GANC: variants seen among roughly 807,000 people sequenced by gnomAD.
GANC encodes neutral alpha-glucosidase C.
Under a neutral mutation model 124.2 loss-of-function variants are expected in GANC, and 117 were observed. The ratio of observed to expected loss-of-function variants is 0.94; its 90% CI spans 0.81 to 1.10. The LOEUF is 1.10. Among genes scored for constraint, GANC ranks in the 50% least tolerant of loss-of-function variants. The pLI is 0.00. For missense variants in GANC, 1,140 were observed against 1,095.0 expected (o/e 1.04, Z -0.58); for synonymous variants, 377 against 376.8 (o/e 1.00, Z -0.01).
At chr15:42,295,209 C>G (rs1240947580) in intron 5 of GANC, among the ~76,000 whole-genome samples, 1 of 151,956 alleles carries the variant, frequency 6.6e-6, no homozygotes, top group African/African-American at 2.4e-5. Flanking sequence ...CTCCTGAACT[C>G]GTGATCCGCC....
chr15:42,277,430 T>A (rs887611351), intron 2 of GANC, among the ~76,000 whole-genome samples: 4 of 151,302 alleles, frequency 2.6e-5, no homozygotes, highest in African/African-American at 7.3e-5. Context: ...CTTGGGAGGC[T>A]GAGGCAGGAG....
rs144689773 is a variant in GANC at position 42,339,871 on chromosome 15, T to G, written c.2046T>G (p.Ser682=). 6.8e-6 allele frequency: 11 copies of G among 1,614,156 alleles called. No homozygotes were observed. In the African/African-American group the frequency reaches 1.3e-4, roughly 20 times the overall value. The change falls in exon 17 of 24, where the codon TCT becomes TCG. Residue 682 remains serine, a synonymous_variant. Coordinates refer to ENST00000318010, the MANE Select transcript of GANC (RefSeq NM_198141.3). ...ERYGLLPYWY[S]LFYHAHVASQ... is the part of the protein sequence containing the mutation. ...ATGGCCTCCTGCCATATTGGTATTC[T>G]CTGTTCTACCATGCACACGTGGCTT...
intron 6 of GANC, among the ~76,000 whole-genome samples, chr15:42,304,667 A>G (rs903795896): frequency 3.9e-5 from 6 of 152,222 alleles, no homozygotes; most frequent in Non-Finnish European, 8.8e-5. Context: ...GACAATCCTA[A>G]GCAGAAAGAA....
chr15:42,314,215 C>T lies in GANC; in HGVS notation c.1057+3369C>T, dbSNP rs191486838. 79 of 746,148 alleles carry T rather than the reference C, an allele frequency of 1.1e-4. No homozygotes were observed. In the East Asian group the frequency reaches 1.9e-3, roughly 18 times the overall value. 46.2% of individuals were successfully genotyped at this position (746,148 alleles called of 1,614,324 possible). On this transcript the variant is annotated intron_variant, in intron 10 of 23. Transcript: ENST00000318010. ...AGAAAATATTCCCCACAAGGAGTTC[C>T]TCTTTAAAGCACCTGAAGCACGTAG...
At chr15:42,283,394 T>C (rs2051753254) in intron 3 of GANC, among the ~76,000 whole-genome samples, 1 of 152,210 alleles carries the variant, frequency 6.6e-6, no homozygotes, top group Non-Finnish European at 1.5e-5. Flanking sequence ...TTCCTACTAC[T>C]ATCAGTTTTC....
Position 42,329,382 on chromosome 15 carries a change from A to G in GANC, c.1577A>G (p.Gln526Arg). 1 of 1,614,042 alleles carries G rather than the reference A, an allele frequency of 6.2e-7. No homozygotes were observed. Among genetic ancestry groups the G allele is most frequent in the East Asian group, 2.2e-5 (1 of 44,874 alleles). Reference protein sequence around the residue: ...SVFRGPEQTMQKNAIHHGNWE... With the variant: ...SVFRGPEQTMRKNAIHHGNWE... ...TTTAGAGGGCCAGAGCAAACCATGC[A>G]GAAGAATGCCATTCATCATGGCAAT... The change falls in exon 14 of 24, where the codon CAG (glutamine) becomes CGG (arginine). Residue 526 changes from glutamine (Q) to arginine (R), a missense_variant. Coordinates refer to ENST00000318010, the MANE Select transcript of GANC (RefSeq NM_198141.3).
intron 10 of GANC, among the ~76,000 whole-genome samples, chr15:42,319,480 G>A (rs2052138402): frequency 6.6e-6 from 1 of 151,726 alleles, no homozygotes; most frequent in Non-Finnish European, 1.5e-5. Context: ...GAGTAGCTGG[G>A]ACTGTGGGCA....
intron 5 of GANC, among the ~76,000 whole-genome samples, chr15:42,293,335 G>A (rs2051860639): frequency 6.6e-6 from 1 of 152,144 alleles, no homozygotes; most frequent in Non-Finnish European, 1.5e-5. Context: ...TGTTTATGTG[G>A]GGTGCTCACA....
rs767325614 is a variant in GANC, at chr15:42,348,174, G to A, written c.2376G>A (p.Met792Ile). 4.3e-6 allele frequency: 7 copies of A among 1,612,712 alleles called. No homozygotes were observed. The highest frequency in any genetic ancestry group is 5.9e-6 in the Non-Finnish European group (7 of 1,179,508). ...CTGTAGGAAAATCCACAGGCTGGAT[G>A]ACTGAATCCTCCTATGGACTCCGGG... is the stretch of plus-strand genomic sequence containing the variant. ...KTTVGKSTGW[M>I]TESSYGLRVA... The change falls in exon 21 of 24, where the codon ATG (methionine) becomes ATA (isoleucine). Residue 792 changes from methionine (M) to isoleucine (I), a missense_variant. By Grantham distance (10) the Met-to-Ile change is conservative. Transcript: ENST00000318010.
At chr15:42,346,081 C>G (rs1566962319) in intron 20 of GANC, among the ~76,000 whole-genome samples, 1 of 152,170 alleles carries the variant, frequency 6.6e-6, no homozygotes, top group Non-Finnish European at 1.5e-5. Flanking sequence ...AGAGAAGGTG[C>G]TGTCTCAGTT....
At chr15:42,331,433 G>C (rs1176391060) in intron 15 of GANC, among the ~76,000 whole-genome samples, 3 of 152,190 alleles carry the variant, frequency 2.0e-5, no homozygotes, top group Non-Finnish European at 2.9e-5. Flanking sequence ...ACTGGATGCA[G>C]TTTACCAGCT....
chr15:42,298,548 G>C (rs1464513615), intron 6 of GANC, among the ~76,000 whole-genome samples: 1 of 152,216 alleles, frequency 6.6e-6, no homozygotes, highest in South Asian at 2.1e-4. Context: ...CTAAGTAGCA[G>C]AGATGCATGG....
At chr15:42,342,837 G>C (rs945891155) in intron 18 of GANC, among the ~76,000 whole-genome samples, 3 of 152,154 alleles carry the variant, frequency 2.0e-5, no homozygotes, top group African/African-American at 4.8e-5. Flanking sequence ...TATAATCTCA[G>C]TATACCCAGA....
chr15:42,293,732 A>G (rs916269227), intron 5 of GANC, among the ~76,000 whole-genome samples: 1 of 151,622 alleles, frequency 6.6e-6, no homozygotes, highest in Non-Finnish European at 1.5e-5. Context: ...ATATCTGTGT[A>G]CCCACTACTC....
intron 10 of GANC, among the ~76,000 whole-genome samples, chr15:42,312,939 CA>C (rs55722371): frequency 2.8e-4 from 36 of 126,572 alleles, no homozygotes; most frequent in African/African-American, 1.1e-3. Flanking sequence ...GACTCCGTCT[CA>C]AAAAAAAAAA....
chr15:42,339,993 A>C, intron 17 of GANC, 81 bp downstream of exon 17: 2 of 1,481,196 alleles, frequency 1.4e-6, no homozygotes, highest in African/African-American at 2.8e-5. Context: ...TGCAATAATT[A>C]CAGTGATTTC....
intron 6 of GANC, among the ~76,000 whole-genome samples, chr15:42,305,056 A>G (rs1425622340): frequency 6.9e-6 from 1 of 145,588 alleles, no homozygotes; most frequent in Admixed American, 7.0e-5. Context: ...AATGGAAAAG[A>G]CTTCATGACT....
intron 19 of GANC, among the ~76,000 whole-genome samples, chr15:42,344,390 G>A (rs2052348279): frequency 6.6e-6 from 1 of 152,092 alleles, no homozygotes; most frequent in African/African-American, 2.4e-5. Flanking sequence ...TCTTCATGTT[G>A]CCTTTTCCTC....
chr15:42,274,083 G>C lies in GANC; in HGVS notation c.-399G>C, dbSNP rs2051623394. On this transcript the variant is annotated 5_prime_UTR_variant, in exon 1 of 24. Transcript: ENST00000318010. ...ATCTGTGGCGTGACCCCGCCACTGA[G>C]ATAGATCTGCAGATGCTTCGTCCCA... The C allele has an allele frequency of 4.0e-6, 1 of 248,252 alleles. No individual in the cohort carries two copies. The highest frequency in any genetic ancestry group is 5.8e-5 in the Admixed American group (1 of 17,252). 15.4% of individuals were successfully genotyped at this position (248,252 alleles called of 1,614,324 possible). A position where few individuals can be genotyped will look rare whatever the true frequency, so the allele number is the denominator to read the frequency against.
Sources: allele counts gnomAD v4.1 joint callset (sites outside exome capture counted in the v4.1 genomes callset), GRCh38; gene constraint gnomAD v4.1.1; transcripts MANE v1.5; gene names NCBI Gene and HGNC (gene_info 2026-07-23, HGNC 2026-07-21).